Variants in OR51B5 observed in about 807,000 individuals in gnomAD.
The protein encoded by OR51B5 is olfactory receptor 51B5.
For synonymous variants in OR51B5, 186 were observed against 144.8 expected (o/e 1.28, Z -2.04); for missense variants, 456 against 374.6 (o/e 1.22, Z -1.79).
chr11:5,397,442 A>G (rs1452664502), intron 1 of OR51B5, among the ~76,000 whole-genome samples: 9 of 152,146 alleles, frequency 5.9e-5, no homozygotes, highest in African/African-American at 2.2e-4. Flanking sequence ...CAAAAGACAC[A>G]TGAAAAAATG....
At chr11:5,355,933 A>G (rs1159103448) in intron 1 of OR51B5, among the ~76,000 whole-genome samples, 3 of 152,190 alleles carry the variant, frequency 2.0e-5, no homozygotes, top group Non-Finnish European at 4.4e-5. Flanking sequence ...GTTAGAAGGA[A>G]AACTAACAAA....
intron 1 of OR51B5, among the ~76,000 whole-genome samples, chr11:5,483,264 A>G (rs1411915850): frequency 2.1e-5 from 3 of 143,546 alleles, no homozygotes; most frequent in African/African-American, 7.9e-5. Context: ...AGAACAAAAA[A>G]CCAAACACCG....
chr11:5,429,685 G>A (rs1374342873), intron 1 of OR51B5, among the ~76,000 whole-genome samples: 1 of 152,158 alleles, frequency 6.6e-6, no homozygotes, highest in Non-Finnish European at 1.5e-5. Flanking sequence ...GAAGGGGCAG[G>A]ATGGGGAACA....
chr11:5,386,032 A>G (rs988077707), intron 1 of OR51B5, among the ~76,000 whole-genome samples: 11 of 151,774 alleles, frequency 7.2e-5, no homozygotes. Context: ...TACAGGTACT[A>G]CGTGAGAACA....
At chr11:5,342,558 C>G (rs1008152518), downstream of OR51B5, 5 of 1,544,044 alleles carry the variant, frequency 3.2e-6, no homozygotes, top group Non-Finnish European at 4.3e-6. Flanking sequence ...TTTTTACATT[C>G]TGTGAGAGTG....
At chr11:5,485,713 C>A (rs1851488550) in intron 1 of OR51B5, among the ~76,000 whole-genome samples, 1 of 152,148 alleles carries the variant, frequency 6.6e-6, no homozygotes, top group African/African-American at 2.4e-5. Context: ...CTGAAATGTT[C>A]TTCCTTCTGA....
At chr11:5,373,675 A>G (rs1849477640) in intron 1 of OR51B5, among the ~76,000 whole-genome samples, 1 of 152,196 alleles carries the variant, frequency 6.6e-6, no homozygotes, top group African/African-American at 2.4e-5. Flanking sequence ...CCAGGAGATT[A>G]TATCCTGCAC....
At chr11:5,356,032 A>G (rs1010537000) in intron 1 of OR51B5, among the ~76,000 whole-genome samples, 2 of 151,928 alleles carry the variant, frequency 1.3e-5, no homozygotes, top group African/African-American at 4.8e-5. Context: ...GGGGAAAAAC[A>G]GAGCAGAAAA....
At chr11:5,412,175 G>C (rs1253197538) in intron 1 of OR51B5, among the ~76,000 whole-genome samples, 1 of 152,136 alleles carries the variant, frequency 6.6e-6, no homozygotes, top group Admixed American at 6.5e-5. Context: ...TTACAGATAT[G>C]GTAGTCCTTC....
chr11:5,352,741 C>CACAT (rs1013920372), intron 1 of OR51B5, among the ~76,000 whole-genome samples: 1 of 150,970 alleles, frequency 6.6e-6, no homozygotes, highest in Non-Finnish European at 1.5e-5. Flanking sequence ...TGGCACCATA[C>CACAT]ACATACATAC....
intron 1 of OR51B5, chr11:5,351,732 A>G: frequency 6.2e-7 from 1 of 1,614,054 alleles, no homozygotes. Flanking sequence ...CATTGACCAC[A>G]ATGCCCACAG....
intron 1 of OR51B5, among the ~76,000 whole-genome samples, chr11:5,412,302 C>T (rs7107101): frequency 0.82 from 125,005 of 152,112 alleles, 52,191 homozygotes; most frequent in Non-Finnish European, 0.89. Flanking sequence ...AGCATCGAAC[C>T]GGGAGGAGCC....
chr11:5,457,355 C>CCA (rs1850975777), intron 1 of OR51B5, among the ~76,000 whole-genome samples: 1 of 152,152 alleles, frequency 6.6e-6, no homozygotes, highest in South Asian at 2.1e-4. Flanking sequence ...TATATATGTA[C>CCA]CACATTTTCT....
At chr11:5,489,478 G>A (rs767298328) in intron 1 of OR51B5, 4 of 1,613,966 alleles carry the variant, frequency 2.5e-6, no homozygotes, top group East Asian at 2.2e-5. Context: ...CTACATCCCT[G>A]CCTTCTTCTC....
At chr11:5,343,106 A>C in exon 1 of OR51B5, 2 of 1,613,406 alleles carry the variant, frequency 1.2e-6, no homozygotes, top group Non-Finnish European at 1.7e-6. Flanking sequence ...CCCAATCTTC[A>C]CTACTCGAGT....
At chr11:5,353,006 C>T (rs4243956) in intron 1 of OR51B5, among the ~76,000 whole-genome samples, 2 of 151,144 alleles carry the variant, frequency 1.3e-5, no homozygotes, top group East Asian at 1.9e-4. Context: ...ATATATTAGT[C>T]CTGTTATACA....
intron 1 of OR51B5, among the ~76,000 whole-genome samples, chr11:5,473,996 A>C (rs956083814): frequency 4.6e-5 from 7 of 152,098 alleles, no homozygotes; most frequent in African/African-American, 1.7e-4. Flanking sequence ...ATCACAAGAC[A>C]TCAGAAGAGG....
chr11:5,465,023 G>A (rs1398482705), intron 1 of OR51B5, among the ~76,000 whole-genome samples: 4 of 151,884 alleles, frequency 2.6e-5, no homozygotes, highest in East Asian at 1.9e-4. Flanking sequence ...CGGCTAAAAC[G>A]GTGAAACCCC....
chr11:5,468,729 C>A (rs201059187), intron 1 of OR51B5: 9 of 456,406 alleles, frequency 2.0e-5, no homozygotes, highest in Non-Finnish European at 3.5e-5. Flanking sequence ...CCCCTGGAGG[C>A]AATGGCCAGC....
Sources: allele counts gnomAD v4.1 joint callset (sites outside exome capture counted in the v4.1 genomes callset), GRCh38; gene constraint gnomAD v4.1.1; transcripts MANE v1.5; gene names NCBI Gene and HGNC (gene_info 2026-07-23, HGNC 2026-07-21).